SCAPER: variants seen among roughly 807,000 people sequenced by gnomAD.
SCAPER encodes S phase cyclin A-associated protein in the endoplasmic reticulum.
SCAPER carries 98 observed loss-of-function variants against 182.2 expected under a neutral mutation model. The ratio of observed to expected loss-of-function variants is 0.54; its 90% CI spans 0.46 to 0.64. SCAPER has a LOEUF of 0.64. SCAPER is among the 30% of genes least tolerant of loss of function. The pLI, the probability that SCAPER is intolerant of heterozygous loss-of-function variation, is 0.00. For missense variants in SCAPER, 1,432 were observed against 1,690.0 expected, an observed-to-expected ratio of 0.85 and a Z score of 2.68; for synonymous variants, 605 against 564.6, an observed-to-expected ratio of 1.07 and a Z score of -1.01.
At chr15:76,646,801 C>T (rs2054585747) in intron 21 of SCAPER, among the ~76,000 whole-genome samples, 1 of 152,184 alleles carries the variant, frequency 6.6e-6, no homozygotes, top group South Asian at 2.1e-4. Flanking sequence ...GAACACATAT[C>T]CAGTTTAAAA....
intron 27 of SCAPER, among the ~76,000 whole-genome samples, chr15:76,393,928 C>G (rs1453723600): frequency 6.6e-6 from 1 of 152,188 alleles, no homozygotes. Context: ...ATGATTCCAA[C>G]CACCAGCCTT....
intron 24 of SCAPER, among the ~76,000 whole-genome samples, chr15:76,479,002 T>C (rs1423697709): frequency 6.6e-6 from 1 of 152,208 alleles, no homozygotes. Context: ...TCATGAGGCA[T>C]GAACAAACAA....
chr15:76,631,550 G>C (rs1414484753), intron 21 of SCAPER, among the ~76,000 whole-genome samples: 1 of 152,124 alleles, frequency 6.6e-6, no homozygotes, highest in African/African-American at 2.4e-5. Context: ...CACTAATGAA[G>C]TTTAGTTTGG....
chr15:76,622,697 T>C lies in SCAPER; in HGVS notation c.2646-868A>G, dbSNP rs572384064. On this transcript the variant is annotated intron_variant, in intron 21 of 31. Coordinates refer to ENST00000563290, the MANE Select transcript of SCAPER (RefSeq NM_020843.4). ...AGCTACAAGTAATTGTGACCTCATC[T>C]GAAAGGTGGGAAAAGTAACAATTAT... Among the ~76,000 whole-genome samples, 3 of 152,318 alleles carry C rather than the reference T, an allele frequency of 2.0e-5. No individual in the cohort carries two copies. In the East Asian group the frequency reaches 5.8e-4, roughly 29 times the overall value.
intron 1 of SCAPER, among the ~76,000 whole-genome samples, chr15:76,901,026 G>C (rs35999717): frequency 0.38 from 58,166 of 152,028 alleles, 13,136 homozygotes; most frequent in Middle Eastern, 0.53. Flanking sequence ...AAAAACTACT[G>C]TTCACATTTT....
chr15:76,491,548 G>A (rs2052307907), intron 24 of SCAPER, among the ~76,000 whole-genome samples: 1 of 152,150 alleles, frequency 6.6e-6, no homozygotes, highest in South Asian at 2.1e-4. Context: ...CAAAGTGGCT[G>A]TATCATTTTG....
At chr15:76,824,237 G>A (rs1051265837) in intron 5 of SCAPER, among the ~76,000 whole-genome samples, 1 of 152,228 alleles carries the variant, frequency 6.6e-6, no homozygotes, top group Non-Finnish European at 1.5e-5. Flanking sequence ...TAGGCATTCA[G>A]ATAACTCCAT....
chr15:76,456,844 C>T lies in SCAPER; in HGVS notation c.3078+14368G>A, dbSNP rs1409190580. 2.0e-5 allele frequency among the ~76,000 whole-genome samples: 3 copies of T among 152,132 alleles called. No individual in the cohort carries two copies. The South Asian group carries it at 6.2e-4, about 32-fold the overall frequency. On this transcript the variant is annotated intron_variant, in intron 25 of 31. Transcript: ENST00000563290. ...GTTGATTTGATATCCTATTAATAGGCAATGCCTCTTTGCATACTAATACAG... is the reference window on the plus strand; with the variant it reads ...GTTGATTTGATATCCTATTAATAGGTAATGCCTCTTTGCATACTAATACAG...
chr15:76,863,066 C>T (rs1032106950), intron 2 of SCAPER, among the ~76,000 whole-genome samples: 1 of 152,028 alleles, frequency 6.6e-6, no homozygotes, highest in Non-Finnish European at 1.5e-5. Flanking sequence ...TTTTAAAACT[C>T]AAACTATTGC....
intron 29 of SCAPER, among the ~76,000 whole-genome samples, chr15:76,355,111 A>C (rs1267821298): frequency 3.3e-5 from 5 of 152,244 alleles, no homozygotes; most frequent in African/African-American, 1.2e-4. Flanking sequence ...AGAAGGAAAG[A>C]ATGAAACAGC....
intron 4 of SCAPER, among the ~76,000 whole-genome samples, chr15:76,849,227 A>C (rs368467737): frequency 7.9e-5 from 12 of 152,110 alleles, no homozygotes; most frequent in East Asian, 5.8e-4. Flanking sequence ...CAGTGGCTCC[A>C]CATTTCTTGG....
chr15:76,718,094 A>G (rs949324048), intron 17 of SCAPER, among the ~76,000 whole-genome samples: 1 of 152,212 alleles, frequency 6.6e-6, no homozygotes, highest in African/African-American at 2.4e-5. Context: ...GATCACTATG[A>G]TATAAAACTA....
In SCAPER at chr15:76,804,517, C is replaced by T; in HGVS notation, c.494+16G>A. On this transcript the variant is annotated intron_variant, in intron 6 of 31. Coordinates refer to ENST00000563290, the MANE Select transcript of SCAPER (RefSeq NM_020843.4). ...CTGCTGGATGATAGGAAGATTGAGA[C>T]CAGAGAGCTCATTACCTGCTTTGAG... 6.5e-7 allele frequency: 1 copy of T among 1,550,172 alleles called. No individual in the cohort carries two copies. Among genetic ancestry groups the T allele is most frequent in the African/African-American group, 1.4e-5 (1 of 73,558 alleles).
intron 29 of SCAPER, among the ~76,000 whole-genome samples, chr15:76,356,998 G>C (rs1459545648): frequency 3.3e-5 from 5 of 152,138 alleles, no homozygotes; most frequent in African/African-American, 1.2e-4. Context: ...CTTGTTCCTG[G>C]ATGTGATTCT....
chr15:76,438,398 C>A (rs2047343792), intron 25 of SCAPER, among the ~76,000 whole-genome samples: 1 of 151,954 alleles, frequency 6.6e-6, no homozygotes, highest in Admixed American at 6.6e-5. Context: ...CCAAATGTTA[C>A]CTCCTCATCT....
Position 76,580,721 on chromosome 15 carries a change from T to C in SCAPER, c.2712-6437A>G, listed in dbSNP as rs138326682. 1.1e-4 allele frequency among the ~76,000 whole-genome samples: 16 copies of C among 151,890 alleles called. No homozygotes were observed. In the East Asian group the frequency reaches 2.3e-3, roughly 22 times the overall value. On this transcript the variant is annotated intron_variant, in intron 22 of 31. Coordinates refer to ENST00000563290, the MANE Select transcript of SCAPER (RefSeq NM_020843.4). ...TTTATATCAAAGAAGTAGAAAAACT[T>C]CAAATAAAAAACCTATAGCTACATC... is the stretch of plus-strand genomic sequence containing the variant.
At position 76,597,103 on chromosome 15, in the gene SCAPER, C is replaced by G. The variant is rs1242131564; in HGVS notation, c.2712-22819G>C. ...ATCTCCTTAAGCTGATAAGCAACTT[C>G]AGCAAAGTCTCAGGATATAAAATCA... On this transcript the variant is annotated intron_variant, in intron 22 of 31. Coordinates refer to ENST00000563290, the MANE Select transcript of SCAPER (RefSeq NM_020843.4). Among the ~76,000 whole-genome samples, 4 of 122,342 alleles carry G rather than the reference C, an allele frequency of 3.3e-5. 2 individuals are homozygous for G. Among genetic ancestry groups the G allele is most frequent in the Non-Finnish European group, 8.0e-5 (4 of 50,294 alleles). The allele number at this position is 122,342 out of a possible 152,430, so 80.3% of individuals were successfully genotyped here.
At chr15:76,762,062 C>T (rs1256315977) in intron 14 of SCAPER, among the ~76,000 whole-genome samples, 1 of 152,102 alleles carries the variant, frequency 6.6e-6, no homozygotes, top group Non-Finnish European at 1.5e-5. Flanking sequence ...CACTTCTTGT[C>T]CTAAAGTCTG....
intron 20 of SCAPER, among the ~76,000 whole-genome samples, chr15:76,686,118 T>C (rs1441057123): frequency 1.3e-5 from 2 of 151,902 alleles, no homozygotes; most frequent in African/African-American, 4.8e-5. Context: ...TATAAGAATA[T>C]GAAAATCTAA....
Sources: gnomAD v4.1 joint callset for allele counts (sites outside exome capture counted in the v4.1 genomes callset) on GRCh38, gnomAD v4.1.1 for gene constraint, MANE v1.5 for transcripts, NCBI Gene and HGNC (gene_info 2026-07-23, HGNC 2026-07-21) for gene names.